Variants in THSD7B observed in about 807,000 individuals in gnomAD.
The protein encoded by THSD7B is thrombospondin type-1 domain-containing protein 7B.
In THSD7B, 138 loss-of-function variants were observed where a neutral mutation model predicts 213.6. That is an observed-to-expected ratio of 0.65 (90% confidence interval 0.56 to 0.74). The LOEUF is 0.74. Among genes scored for constraint, THSD7B ranks in the 30% least tolerant of loss-of-function variants. The probability of loss-of-function intolerance (pLI) is 0.00; values close to 1 mark genes in which losing one functional copy is unlikely to be tolerated. For synonymous variants in THSD7B, 742 were observed against 687.0 expected (o/e 1.08, Z -1.25); for missense variants, 1,931 against 1,991.5 (o/e 0.97, Z 0.58).
At position 137,657,072 on chromosome 2, in the gene THSD7B, A is replaced by T. The variant is rs771975832; in HGVS notation, c.4287A>T (p.Lys1429Asn). Residue 1429 changes from lysine to asparagine, a missense_variant, in exon 24 of 28, where the codon AAA becomes AAT. Lys to Asn is a moderately conservative substitution (Grantham distance 94). Transcript: ENST00000409968. ...VLETRPCTGG[K>N]CYHYTWKASL... ...TATCATATTTACTTACAGGAGGCAA[A>T]TGTTATCACTACACATGGAAAGCAA... 3.7e-6 allele frequency: 6 copies of T among 1,613,880 alleles called. No homozygotes were observed. The highest frequency in any genetic ancestry group is 5.1e-6 in the Non-Finnish European group (6 of 1,179,896).
At chr2:137,126,360 G>A (rs930631111) in intron 5 of THSD7B, among the ~76,000 whole-genome samples, 2 of 152,118 alleles carry the variant, frequency 1.3e-5, no homozygotes, top group African/African-American at 4.8e-5. Context: ...TTCTACATTA[G>A]CACTTGCTGC....
In THSD7B at chr2:137,379,503, A is replaced by T. The variant is rs368028422; in HGVS notation, c.2501-26110A>T. Among the ~76,000 whole-genome samples the T allele has an allele frequency of 1.2e-4, 19 of 152,366 alleles. No homozygotes were observed. In the East Asian group the frequency reaches 3.5e-3, roughly 28 times the overall value. The stretch of plus-strand genomic sequence containing the variant: ...GTTTTGAAGAATGGGGCCTCCAGAT[A>T]TTGTGCTCCCACAAACTGAGTGCAG... On this transcript the variant is annotated intron_variant, in intron 12 of 27. Coordinates refer to ENST00000409968, the MANE Select transcript of THSD7B (RefSeq NM_001316349.2).
chr2:137,260,236 G>T (rs1395945731), intron 10 of THSD7B, among the ~76,000 whole-genome samples: 1 of 152,154 alleles, frequency 6.6e-6, no homozygotes, highest in Admixed American at 6.5e-5. Context: ...ATTGGTATAA[G>T]TATGTATAAT....
chr2:136,774,519 A>G (rs1159943378), intron 1 of THSD7B, among the ~76,000 whole-genome samples: 1 of 152,142 alleles, frequency 6.6e-6, no homozygotes. Flanking sequence ...ATATAAAAAA[A>G]GTCCTGTGTT....
chr2:137,625,339 G>T (rs1220866561), intron 20 of THSD7B, among the ~76,000 whole-genome samples: 1 of 102,218 alleles, frequency 9.8e-6, no homozygotes, highest in Non-Finnish European at 1.8e-5. Context: ...GTGGGGGGAG[G>T]GGGGAGGGAT....
chr2:137,477,038 A>G (rs986950552), intron 15 of THSD7B, among the ~76,000 whole-genome samples: 4 of 152,184 alleles, frequency 2.6e-5, no homozygotes, highest in African/African-American at 9.6e-5. Context: ...ATTTGTTTCT[A>G]AAGTTCAGTT....
intron 27 of THSD7B, among the ~76,000 whole-genome samples, chr2:137,673,660 T>A (rs1683629949): frequency 6.6e-6 from 1 of 152,210 alleles, no homozygotes; most frequent in Admixed American, 6.5e-5. Context: ...CTCCTCAGTG[T>A]TGGCCTTGCT....
chr2:137,232,568 A>G (rs1264362154), intron 8 of THSD7B, among the ~76,000 whole-genome samples: 1 of 152,190 alleles, frequency 6.6e-6, no homozygotes, highest in Admixed American at 6.5e-5. Context: ...TGAATATAAG[A>G]AGCATAGAAA....
At chr2:137,643,817 A>G (rs1682980946) in intron 21 of THSD7B, among the ~76,000 whole-genome samples, 1 of 152,154 alleles carries the variant, frequency 6.6e-6, no homozygotes, top group Non-Finnish European at 1.5e-5. Flanking sequence ...AGACAGAGGG[A>G]CAGAGAACTG....
chr2:136,832,237 C>T (rs1652452), intron 1 of THSD7B, among the ~76,000 whole-genome samples: 125,157 of 150,806 alleles, frequency 0.83, 52,187 homozygotes, highest in Non-Finnish European at 0.87. Flanking sequence ...GTGTGAGATA[C>T]ATATATCTCA....
intron 2 of THSD7B, among the ~76,000 whole-genome samples, chr2:136,974,157 G>T (rs1261418658): frequency 6.6e-6 from 1 of 151,998 alleles, no homozygotes; most frequent in Non-Finnish European, 1.5e-5. Flanking sequence ...ATTCAAAAAT[G>T]CTTTATATAT....
chr2:137,398,972 C>T (rs891234482), intron 12 of THSD7B, among the ~76,000 whole-genome samples: 58 of 152,276 alleles, frequency 3.8e-4, no homozygotes, highest in African/African-American at 1.4e-3. Flanking sequence ...AAAGGGAACT[C>T]CCTGACCCCT....
At chr2:137,393,014 T>A (rs920759273) in intron 12 of THSD7B, among the ~76,000 whole-genome samples, 4 of 152,092 alleles carry the variant, frequency 2.6e-5, no homozygotes, top group African/African-American at 7.2e-5. Flanking sequence ...TCCTAAAGAT[T>A]TTTTGTAGAA....
intron 12 of THSD7B, among the ~76,000 whole-genome samples, chr2:137,358,422 A>T (rs1296657904): frequency 6.6e-6 from 1 of 152,212 alleles, no homozygotes; most frequent in Non-Finnish European, 1.5e-5. Flanking sequence ...GATGAGTTCG[A>T]TGTGGTAGAT....
intron 1 of THSD7B, among the ~76,000 whole-genome samples, chr2:136,879,019 G>A (rs369660774): frequency 2.0e-5 from 3 of 151,962 alleles, no homozygotes; most frequent in Non-Finnish European, 4.4e-5. Context: ...GGTATTGCCT[G>A]GGTTTTCTTC....
chr2:137,423,391 C>T (rs552681292), intron 14 of THSD7B, among the ~76,000 whole-genome samples: 4 of 152,062 alleles, frequency 2.6e-5, no homozygotes, highest in African/African-American at 7.2e-5. Context: ...ATAGAAAATA[C>T]TAAGAACCAC....
At chr2:137,311,691 A>G (rs1002134426) in intron 12 of THSD7B, among the ~76,000 whole-genome samples, 7 of 151,780 alleles carry the variant, frequency 4.6e-5, no homozygotes. Flanking sequence ...TCAATACCTA[A>G]TTTATTGAGA....
intron 17 of THSD7B, among the ~76,000 whole-genome samples, chr2:137,585,840 A>G (rs1176615886): frequency 2.6e-5 from 4 of 152,196 alleles, no homozygotes; most frequent in Non-Finnish European, 5.9e-5. Context: ...AGAGTTCTGT[A>G]GATGTCTATT....
chr2:137,432,931 TC>T (rs1416214216), intron 14 of THSD7B, among the ~76,000 whole-genome samples: 1 of 152,202 alleles, frequency 6.6e-6, no homozygotes, highest in Non-Finnish European at 1.5e-5. Context: ...CTTGTCTTTC[TC>T]CCTTTCTAGA....
Sources: gnomAD v4.1 joint callset for allele counts (sites outside exome capture counted in the v4.1 genomes callset) on GRCh38, gnomAD v4.1.1 for gene constraint, MANE v1.5 for transcripts, NCBI Gene and HGNC (gene_info 2026-07-23, HGNC 2026-07-21) for gene names.